The following ASIC2 variants were observed in gnomAD, a reference collection of about 807,000 sequenced individuals.
The protein encoded by ASIC2 is acid-sensing ion channel 2.
A neutral mutation model predicts 57.3 loss-of-function variants in ASIC2; 25 were observed. The observed-to-expected ratio is 0.44, with a 90% CI of 0.32 to 0.61. ASIC2 has a LOEUF of 0.61. ASIC2 is among the 20% of genes least tolerant of loss of function. The probability of loss-of-function intolerance (pLI) is 0.06; values close to 1 mark genes in which losing one functional copy is unlikely to be tolerated. For synonymous variants in ASIC2, 319 were observed against 307.5 expected (o/e 1.04, Z -0.39); for missense variants, 641 against 738.1 (o/e 0.87, Z 1.52).
At chr17:33,053,312 G>C (rs889045557) in intron 3 of ASIC2, among the ~76,000 whole-genome samples, 2 of 152,162 alleles carry the variant, frequency 1.3e-5, no homozygotes, top group African/African-American at 4.8e-5. Context: ...TCTGATATCT[G>C]TTGTATGGGA....
chr17:33,744,903 C>T (rs1004334193), intron 1 of ASIC2, among the ~76,000 whole-genome samples: 26 of 151,796 alleles, frequency 1.7e-4, no homozygotes, highest in Non-Finnish European at 1.0e-4. Context: ...ACCAAATCAA[C>T]GAACATGAAA....
intron 1 of ASIC2, among the ~76,000 whole-genome samples, chr17:33,482,611 C>T (rs1913442635): frequency 6.6e-6 from 1 of 152,252 alleles, no homozygotes. Context: ...CTCCATTCCA[C>T]AGACAAGGAG....
At chr17:33,871,672 T>G (rs1230950631) in intron 1 of ASIC2, among the ~76,000 whole-genome samples, 1 of 152,150 alleles carries the variant, frequency 6.6e-6, no homozygotes, top group African/African-American at 2.4e-5. Context: ...GGGACCTTTG[T>G]GTCCTCAGAG....
At chr17:34,004,202 A>C (rs1343573066) in intron 1 of ASIC2, 1 of 152,416 alleles carries the variant, frequency 6.6e-6, no homozygotes, top group Non-Finnish European at 1.5e-5. Context: ...GAAAAGGAAA[A>C]GGAAAAGGAA....
chr17:33,654,722 G>A (rs1270762524), intron 1 of ASIC2, among the ~76,000 whole-genome samples: 1 of 152,204 alleles, frequency 6.6e-6, no homozygotes, highest in Non-Finnish European at 1.5e-5. Flanking sequence ...CTAGAAATAA[G>A]TCCACACTAA....
intron 1 of ASIC2, among the ~76,000 whole-genome samples, chr17:33,643,663 C>A (rs960553882): frequency 2.6e-5 from 4 of 152,220 alleles, no homozygotes; most frequent in African/African-American, 9.6e-5. Context: ...AGCTCCCTTA[C>A]TTACTAATCA....
chr17:34,154,528 G>A lies in ASIC2; in HGVS notation c.555+1450C>T, dbSNP rs200547538. On this transcript the variant is annotated intron_variant, in intron 1 of 9. Coordinates refer to the ASIC2 transcript ENST00000359872. ...CAGACTGCGAGAGGCAATGCCCCCG[G>A]CACTCTGGGCTTTTTCAGAATCAGA... 1.6e-4 allele frequency among the ~76,000 whole-genome samples: 25 copies of A among 152,272 alleles called. No homozygotes were observed. In the East Asian group the frequency reaches 4.8e-3, roughly 29 times the overall value.
intron 1 of ASIC2, among the ~76,000 whole-genome samples, chr17:33,338,359 G>C (rs574948151): frequency 1.3e-5 from 2 of 152,322 alleles, no homozygotes; most frequent in South Asian, 2.1e-4. Context: ...GGAGACAGTA[G>C]AATTCTGGAA....
intron 1 of ASIC2, among the ~76,000 whole-genome samples, chr17:33,467,437 G>A (rs182025928): frequency 6.6e-6 from 1 of 152,262 alleles, no homozygotes; most frequent in Admixed American, 6.5e-5. Context: ...TCTTGGAAAA[G>A]GGCATTCCAA....
Position 34,086,868 on chromosome 17 carries a change from C to T in ASIC2, c.555+69110G>A, listed in dbSNP as rs185095605. ...CAGAGACTAGGACTGCAACACCTGC[C>T]TTTTTTTGTTTTCCATTTGCTTGGT... On this transcript the variant is annotated intron_variant, in intron 1 of 9. Coordinates refer to the ASIC2 transcript ENST00000359872. Among the ~76,000 whole-genome samples the T allele has an allele frequency of 1.8e-3, 281 of 152,156 alleles. 3 individuals carry two copies. Among genetic ancestry groups the T allele is most frequent in the African/African-American group, 6.3e-3 (261 of 41,520 alleles).
At chr17:33,924,927 T>G (rs1395488547) in intron 1 of ASIC2, among the ~76,000 whole-genome samples, 2 of 152,184 alleles carry the variant, frequency 1.3e-5, no homozygotes, top group Non-Finnish European at 2.9e-5. Context: ...TCACTTCTTG[T>G]TTAGTGCCTC....
intron 1 of ASIC2, among the ~76,000 whole-genome samples, chr17:33,621,197 C>T (rs1016297404): frequency 7.2e-5 from 11 of 152,116 alleles, no homozygotes; most frequent in Admixed American, 3.3e-4. Context: ...TGTTTGTTAA[C>T]TAGTTATGAG....
chr17:33,944,684 G>T (rs565081093), intron 1 of ASIC2, among the ~76,000 whole-genome samples: 1 of 152,162 alleles, frequency 6.6e-6, no homozygotes, highest in African/African-American at 2.4e-5. Context: ...TGCTCCTCAG[G>T]GTTGCCCTGC....
intron 1 of ASIC2, among the ~76,000 whole-genome samples, chr17:33,540,109 A>T (rs1333653807): frequency 6.6e-6 from 1 of 152,126 alleles, no homozygotes; most frequent in African/African-American, 2.4e-5. Flanking sequence ...AGGTGTCGGT[A>T]GAGTTGGTTT....
chr17:33,323,723 C>T (rs1241099080), intron 1 of ASIC2, among the ~76,000 whole-genome samples: 1 of 152,090 alleles, frequency 6.6e-6, no homozygotes, highest in Non-Finnish European at 1.5e-5. Flanking sequence ...CCCACCACAC[C>T]CCCGCCCCAA....
Position 33,055,424 on chromosome 17 carries a change from G to A in ASIC2, c.988-27032C>T, listed in dbSNP as rs191495443. Among the ~76,000 whole-genome samples the A allele has an allele frequency of 1.7e-4, 26 of 152,210 alleles. No individual in the cohort carries two copies. The South Asian group carries it at 2.5e-3, about 15-fold the overall frequency. The stretch of plus-strand genomic sequence containing the variant: ...GGCCTCTGGGGTCAGCCAGCCTTCC[G>A]AGAACTTCCTGCTCCCCCGTCTGCT... On this transcript the variant is annotated intron_variant, in intron 3 of 9. Transcript: ENST00000225823.
intron 1 of ASIC2, among the ~76,000 whole-genome samples, chr17:33,694,126 G>T (rs1908456071): frequency 6.6e-6 from 1 of 152,124 alleles, no homozygotes; most frequent in Non-Finnish European, 1.5e-5. Context: ...TTACTTTCCA[G>T]AGTGTGAGAA....
chr17:33,086,878 C>G (rs1261756219), intron 3 of ASIC2, among the ~76,000 whole-genome samples: 4 of 152,086 alleles, frequency 2.6e-5, no homozygotes, highest in Admixed American at 6.5e-5. Context: ...CACCCAAGCC[C>G]CTTCCTGTTT....
intron 1 of ASIC2, among the ~76,000 whole-genome samples, chr17:33,948,909 T>C (rs775776766): frequency 3.9e-5 from 6 of 151,974 alleles, no homozygotes; most frequent in Non-Finnish European, 2.9e-5. Context: ...GAGTAGATCT[T>C]TTAGGTATGC....
Sources: gnomAD v4.1 joint callset for allele counts (sites outside exome capture counted in the v4.1 genomes callset) on GRCh38, gnomAD v4.1.1 for gene constraint, MANE v1.5 for transcripts, NCBI Gene and HGNC (gene_info 2026-07-23, HGNC 2026-07-21) for gene names.